The following ZNF184 variants were observed in gnomAD, a reference collection of about 807,000 sequenced individuals.
ZNF184 encodes the protein zinc finger protein 184.
A neutral mutation model predicts 54.4 loss-of-function variants in ZNF184; 16 were observed. That is an observed-to-expected ratio of 0.29 (90% CI 0.20 to 0.45). The LOEUF (loss-of-function observed/expected upper bound fraction) is 0.45. Ranked by LOEUF, ZNF184 falls within the 20% of genes least tolerant of loss-of-function variation. ZNF184 has a pLI of 1.00. For missense variants in ZNF184, 681 were observed against 888.2 expected, an observed-to-expected ratio of 0.77 and a Z score of 2.97; for synonymous variants, 254 against 295.3, an observed-to-expected ratio of 0.86 and a Z score of 1.43.
At chr6:27,425,300 T>A in the ZNF184 span, among the ~76,000 whole-genome samples, 1 of 152,162 alleles carries the variant, frequency 6.6e-6, no homozygotes, top group African/African-American at 2.4e-5. Context: ...GCTGAAGGGC[T>A]CCCCAAGTGC....
chr6:27,417,389 T>A, the ZNF184 span, among the ~76,000 whole-genome samples: 22 of 152,170 alleles, frequency 1.4e-4, no homozygotes, highest in African/African-American at 5.3e-4. Flanking sequence ...ATTCTGGTTT[T>A]TTTTTTTCCT....
chr6:27,456,635 T>A (rs888972082), intron 5 of ZNF184, among the ~76,000 whole-genome samples, 191 bp downstream of exon 5: 2 of 152,114 alleles, frequency 1.3e-5, no homozygotes, highest in African/African-American at 4.8e-5. Flanking sequence ...GGGCATAACA[T>A]AGAATATATA....
At chr6:27,443,707 T>C in the ZNF184 span, among the ~76,000 whole-genome samples, 15 of 152,282 alleles carry the variant, frequency 9.9e-5, no homozygotes, top group South Asian at 3.1e-3. Context: ...ACTTCAACTA[T>C]AATTTTTTCA....
chr6:27,408,048 G>T, the ZNF184 span: 1 of 884,220 alleles, frequency 1.1e-6, no homozygotes, highest in South Asian at 1.3e-5. Flanking sequence ...GGGATAATGT[G>T]ATTGAATACT....
At chr6:27,456,664 T>A (rs764461) in intron 5 of ZNF184, among the ~76,000 whole-genome samples, 162 bp downstream of exon 5, 91,706 of 151,956 alleles carry the variant, frequency 0.6, 27,778 homozygotes, top group Middle Eastern at 0.75. Context: ...ATTAGTGACA[T>A]AACAAAGCAT....
chr6:27,441,636 G>C, the ZNF184 span, among the ~76,000 whole-genome samples: 1 of 152,184 alleles, frequency 6.6e-6, no homozygotes, highest in East Asian at 1.9e-4. Context: ...AAATCTCCTA[G>C]GATTCTTATT....
the ZNF184 span, among the ~76,000 whole-genome samples, chr6:27,416,744 C>T: frequency 5.3e-5 from 8 of 152,288 alleles, no homozygotes; most frequent in South Asian, 1.7e-3. Context: ...ATCTCACTGA[C>T]CCCTGCTATA....
the ZNF184 span, among the ~76,000 whole-genome samples, chr6:27,425,954 G>A: frequency 1.3e-5 from 2 of 152,302 alleles, no homozygotes; most frequent in East Asian, 3.9e-4. Flanking sequence ...GACTGTGGTG[G>A]TATCCCATAG....
rs1265450638 is a variant in ZNF184, at chr6:27,451,718, T to G, written c.1841A>C (p.Tyr614Ser). ...HKRIHTGAKP[Y>S]ECAECGKAFR... ...GGCTTTACCACACTCAGCACACTCA[T>G]AAGGCTTGGCTCCTGTATGAATTCT... is the stretch of plus-strand genomic sequence containing the variant. Residue 614 changes from tyrosine to serine, a missense_variant, in exon 6 of 6, where the codon TAT becomes TCT. Transcript: ENST00000683788. The G allele has an allele frequency of 6.2e-7, 1 of 1,614,010 alleles. No individual in the cohort carries two copies. Among genetic ancestry groups the G allele is most frequent in the Admixed American group, 1.7e-5 (1 of 60,016 alleles).
chr6:27,434,930 G>A, the ZNF184 span, among the ~76,000 whole-genome samples: 379 of 152,222 alleles, frequency 2.5e-3, 3 homozygotes, highest in African/African-American at 8.8e-3. Context: ...CCCAGTGAAT[G>A]GTCTTGGTGC....
At chr6:27,436,167 G>GT in the ZNF184 span, among the ~76,000 whole-genome samples, 4 of 151,526 alleles carry the variant, frequency 2.6e-5, no homozygotes, top group Non-Finnish European at 5.9e-5. Context: ...GTATGTGTGT[G>GT]TTTTTTTTGT....
the ZNF184 span, among the ~76,000 whole-genome samples, chr6:27,429,666 T>G: frequency 6.6e-6 from 1 of 152,204 alleles, no homozygotes; most frequent in Non-Finnish European, 1.5e-5. Flanking sequence ...CACACCCAGT[T>G]ACAGCTTTGC....
In ZNF184 at chr6:27,451,370, T is replaced by A; in HGVS notation, c.2189A>T (p.Asp730Val). Reference sequence around the variant, plus strand: ...GCGATATCTGAAGGATTTTCCACAATCATTACATCCAAAAGGCTTCTCTCC... The same window carrying A: ...GCGATATCTGAAGGATTTTCCACAAACATTACATCCAAAAGGCTTCTCTCC... ...HSGEKPFGCNDCGKSFRYRSA... is the reference protein window; with the variant it reads ...HSGEKPFGCNVCGKSFRYRSA... Residue 730 changes from aspartate (D) to valine (V), a missense_variant, in exon 6 of 6, where the codon GAT becomes GTT. Asp to Val is a radical substitution (Grantham distance 152). Coordinates refer to ENST00000683788, the MANE Select transcript of ZNF184 (RefSeq NM_001318891.2). 1 of 1,614,054 alleles carries A rather than the reference T, an allele frequency of 6.2e-7. No homozygotes were observed. Among genetic ancestry groups the A allele is most frequent in the Non-Finnish European group, 8.5e-7 (1 of 1,179,948 alleles).
the ZNF184 span, chr6:27,405,375 G>C: frequency 6.6e-6 from 1 of 152,160 alleles, no homozygotes; most frequent in African/African-American, 2.4e-5. Flanking sequence ...TCTACACCTG[G>C]TTTCAAACCA....
the ZNF184 span, among the ~76,000 whole-genome samples, chr6:27,441,328 G>A: frequency 1.3e-5 from 2 of 152,080 alleles, no homozygotes; most frequent in Non-Finnish European, 2.9e-5. Flanking sequence ...CAATCTGCCC[G>A]CCTCAGCCTC....
chr6:27,429,558 G>A, the ZNF184 span, among the ~76,000 whole-genome samples: 3 of 152,138 alleles, frequency 2.0e-5, no homozygotes, highest in South Asian at 2.1e-4. Context: ...GGTGCCTGGT[G>A]CCCCCAACCT....
At chr6:27,434,950 T>C in the ZNF184 span, among the ~76,000 whole-genome samples, 1 of 152,194 alleles carries the variant, frequency 6.6e-6, no homozygotes, top group Non-Finnish European at 1.5e-5. Flanking sequence ...CTTGCTCTTG[T>C]TGAATATCAA....
the ZNF184 span, among the ~76,000 whole-genome samples, chr6:27,438,263 T>G: frequency 1.3e-5 from 2 of 152,190 alleles, no homozygotes; most frequent in African/African-American, 2.4e-5. Flanking sequence ...TATGCATGAA[T>G]AGATTGTGAA....
chr6:27,472,778 G>A lies in ZNF184; in HGVS notation c.-189C>T. 6.4e-6 allele frequency: 1 copy of A among 156,446 alleles called. No individual in the cohort carries two copies. The highest frequency in any genetic ancestry group is 1.4e-5 in the Non-Finnish European group (1 of 70,550). 9.7% of individuals were successfully genotyped at this position (156,446 alleles called of 1,614,324 possible). ...AGGTGGACAAACAGGGCGGGGCCCG[G>A]CACCCGACTTCCCCTTAGGCCAGAA... On this transcript the variant is annotated 5_prime_UTR_variant, in exon 1 of 6. Coordinates refer to ENST00000683788, the MANE Select transcript of ZNF184 (RefSeq NM_001318891.2). This position sits in a 1 kb window ranked among gnomAD's most constrained non-coding sequence, Gnocchi z 4.8.
Sources: allele counts gnomAD v4.1 joint callset (sites outside exome capture counted in the v4.1 genomes callset), GRCh38; gene constraint gnomAD v4.1.1; non-coding constraint Gnocchi (gnomAD v3.1); transcripts MANE v1.5; gene names NCBI Gene and HGNC (gene_info 2026-07-23, HGNC 2026-07-21).